Variants in CELF2 observed in about 807,000 individuals in gnomAD.
CELF2 encodes CUGBP Elav-like family member 2.
In CELF2, 8 loss-of-function variants were observed where a neutral mutation model predicts 62.6. The observed-to-expected ratio is 0.13, with a 90% CI of 0.07 to 0.23. CELF2 has a LOEUF of 0.23. CELF2 is among the 10% of genes least tolerant of loss of function. CELF2 has a pLI of 1.00. For synonymous variants in CELF2, 258 were observed against 250.0 expected, an observed-to-expected ratio of 1.03 and a Z score of -0.30; for missense variants, 333 against 671.0, an observed-to-expected ratio of 0.50 and a Z score of 5.56.
Position 11,324,188 on chromosome 10 carries a change from G to A in CELF2, c.1295-1648G>A, listed in dbSNP as rs1402994377. Among the ~76,000 whole-genome samples the A allele has an allele frequency of 1.3e-5, 2 of 152,192 alleles. No homozygotes were observed. Among genetic ancestry groups the A allele is most frequent in the South Asian group, 4.1e-4 (2 of 4,832 alleles). The stretch of plus-strand genomic sequence containing the variant: ...TCAGGCATACCCAGTCATCTGTCAT[G>A]TGCATTGAAACTGTATTTTCTCCCC... On this transcript the variant is annotated intron_variant, in intron 11 of 12. Transcript: ENST00000633077. This position sits in a 1 kb window ranked among gnomAD's most constrained non-coding sequence, Gnocchi z 4.7.
upstream of CELF2, among the ~76,000 whole-genome samples, chr10:11,001,197 A>AT (rs1564339534): frequency 6.6e-6 from 1 of 152,204 alleles, no homozygotes; most frequent in African/African-American, 2.4e-5. Context: ...GCAATATGGG[A>AT]TGTTTCTTAA....
rs1010947014 is a variant in CELF2, at chr10:10,957,464, C to A, written c.89+37465C>A. On this transcript the variant is annotated intron_variant, in intron 2 of 13. Coordinates refer to the CELF2 transcript ENST00000636488. The surrounding 1 kb of genome is among the most constrained non-coding windows in gnomAD (Gnocchi z 4.1). ...CAATGTGAGCTAAGGCCAGAAGAAACCCTACTGGAATTAACCAGGATCTAC... is the reference window on the plus strand; with the variant it reads ...CAATGTGAGCTAAGGCCAGAAGAAAACCTACTGGAATTAACCAGGATCTAC... 4.6e-5 allele frequency among the ~76,000 whole-genome samples: 7 copies of A among 152,096 alleles called. No homozygotes were observed. Among genetic ancestry groups the A allele is most frequent in the African/African-American group, 9.7e-5 (4 of 41,408 alleles).
rs150054618 is a variant in CELF2 at position 10,990,968 on chromosome 10, CGTGTGTGT to C, written c.89+70983_89+70990del. ...ACAGCATCTTTTTGAGGTTCTTTTGCGTGTGTGTGTGTGTGTGTGTGCCCACACGTGTG... is the reference window on the plus strand; with the variant it reads ...ACAGCATCTTTTTGAGGTTCTTTTGCGTGTGTGTGTGTGCCCACACGTGTG... On this transcript the variant is annotated intron_variant, in intron 2 of 13. Transcript: ENST00000636488. The surrounding 1 kb of genome is among the most constrained non-coding windows in gnomAD (Gnocchi z 4.6). Among the ~76,000 whole-genome samples, 16 of 148,570 alleles carry C rather than the reference CGTGTGTGT, an allele frequency of 1.1e-4. No individual in the cohort carries two copies. The South Asian group carries it at 3.4e-3, about 32-fold the overall frequency.
At chr10:10,563,156 A>G in the CELF2 span, among the ~76,000 whole-genome samples, 69 of 152,198 alleles carry the variant, frequency 4.5e-4, no homozygotes, top group Non-Finnish European at 5.3e-4. Flanking sequence ...ATCTGGGGAG[A>G]AAGAAAGGCT....
the CELF2 span, chr10:10,776,243 G>C: frequency 6.5e-6 from 1 of 153,170 alleles, no homozygotes; most frequent in Non-Finnish European, 1.5e-5. Flanking sequence ...AGATCGGAAC[G>C]CTGTGTTGTT....
chr10:11,271,544 G>A (rs2083784878), intron 7 of CELF2, among the ~76,000 whole-genome samples: 1 of 152,170 alleles, frequency 6.6e-6, no homozygotes, highest in African/African-American at 2.4e-5. Context: ...GGCAGATGCG[G>A]GCTGGAAGGC....
chr10:11,266,520 G>C, intron 5 of CELF2, 78 bp from the exon 6 acceptor site: 1 of 1,043,132 alleles, frequency 9.6e-7, no homozygotes, highest in Non-Finnish European at 1.5e-6. Flanking sequence ...CGTAGACTGT[G>C]TTGGTTTAAC....
intron 4 of CELF2, among the ~76,000 whole-genome samples, chr10:11,249,566 T>C (rs2076543133): frequency 1.3e-5 from 2 of 152,038 alleles, no homozygotes; most frequent in South Asian, 4.2e-4. Flanking sequence ...GGAAAGGAAT[T>C]GCCCATGAAG....
At chr10:10,775,984 G>C in the CELF2 span, among the ~76,000 whole-genome samples, 1 of 152,170 alleles carries the variant, frequency 6.6e-6, no homozygotes, top group Non-Finnish European at 1.5e-5. Flanking sequence ...AGCTGGGCCT[G>C]CCCAATGTGT....
chr10:10,746,445 A>G, the CELF2 span, among the ~76,000 whole-genome samples: 1 of 152,220 alleles, frequency 6.6e-6, no homozygotes, highest in Admixed American at 6.5e-5. Context: ...CGAAAAACAG[A>G]CCCAGATTTC....
intron 2 of CELF2, chr10:10,960,414 A>G (rs2049363272): frequency 6.6e-6 from 1 of 152,260 alleles, no homozygotes; most frequent in African/African-American, 2.4e-5. Flanking sequence ...TTATACTGTT[A>G]AAGCTAGTTG....
the CELF2 span, among the ~76,000 whole-genome samples, chr10:10,791,717 C>G: frequency 6.6e-6 from 1 of 152,022 alleles, no homozygotes; most frequent in Non-Finnish European, 1.5e-5. Flanking sequence ...ATCACGGCTC[C>G]CCAGGGTATC....
At chr10:10,480,395 A>C in the CELF2 span, among the ~76,000 whole-genome samples, 1 of 151,956 alleles carries the variant, frequency 6.6e-6, no homozygotes, top group Non-Finnish European at 1.5e-5. Flanking sequence ...TTTTCTCTGC[A>C]CGCAGCTACC....
chr10:10,627,705 GCAGCCCCT>G, the CELF2 span, among the ~76,000 whole-genome samples: 1 of 152,136 alleles, frequency 6.6e-6, no homozygotes, highest in African/African-American at 2.4e-5. Context: ...CTTGAACCCA[GCAGCCCCT>G]CCTGGCTCTT....
At chr10:11,137,047 G>T (rs1295815665) in intron 1 of CELF2, among the ~76,000 whole-genome samples, 1 of 151,950 alleles carries the variant, frequency 6.6e-6, no homozygotes, top group African/African-American at 2.4e-5. Flanking sequence ...GTGTATATGT[G>T]ACTATATGGC....
At chr10:10,899,684 T>C (rs1489401922) in intron 1 of CELF2, among the ~76,000 whole-genome samples, 1 of 152,222 alleles carries the variant, frequency 6.6e-6, no homozygotes, top group Non-Finnish European at 1.5e-5. Context: ...CTCATGGTTC[T>C]GCAGGCTGTA....
chr10:10,664,106 G>A, the CELF2 span, among the ~76,000 whole-genome samples: 1 of 152,282 alleles, frequency 6.6e-6, no homozygotes, highest in South Asian at 2.1e-4. Flanking sequence ...TGAAAGATAG[G>A]TAGGCAAAAA....
Position 11,165,434 on chromosome 10 carries a change from C to G in CELF2, c.75-52C>G. 2 of 1,573,098 alleles carry G rather than the reference C, an allele frequency of 1.3e-6. No individual in the cohort carries two copies. Among genetic ancestry groups the G allele is most frequent in the Non-Finnish European group, 1.7e-6 (2 of 1,158,938 alleles). On this transcript the variant is annotated intron_variant, in intron 1 of 12. Coordinates refer to ENST00000633077, the MANE Select transcript of CELF2 (RefSeq NM_001326342.2). This position sits in a 1 kb window ranked among gnomAD's most constrained non-coding sequence, Gnocchi z 7.4. ...CCCCCACCCCCACTATTTTTTCTTC[C>G]TGTCCCTCATCGTGCCGCCCTAACT...
the CELF2 span, among the ~76,000 whole-genome samples, chr10:10,681,805 A>G: frequency 2.2e-3 from 340 of 152,278 alleles, 3 homozygotes; most frequent in Non-Finnish European, 9.3e-4. Flanking sequence ...TAATTCATCA[A>G]TCTTACACCA....
Sources: gnomAD v4.1 joint callset for allele counts (sites outside exome capture counted in the v4.1 genomes callset) on GRCh38, gnomAD v4.1.1 for gene constraint, Gnocchi (gnomAD v3.1) non-coding constraint, MANE v1.5 for transcripts, NCBI Gene and HGNC (gene_info 2026-07-23, HGNC 2026-07-21) for gene names.